Variants in CSMD1 observed in about 807,000 individuals in gnomAD.
The protein encoded by CSMD1 is CUB and sushi domain-containing protein 1.
Under a neutral mutation model 417.5 loss-of-function variants are expected in CSMD1, and 213 were observed. The ratio of observed to expected loss-of-function variants is 0.51; its 90% CI spans 0.46 to 0.57. The LOEUF is 0.57. Among genes scored for constraint, CSMD1 ranks in the 20% least tolerant of loss-of-function variants. CSMD1 has a pLI of 0.00. For missense variants in CSMD1, 6,923 were observed against 4,529.7 expected (o/e 1.53, Z -15.17); for synonymous variants, 2,862 against 1,736.8 (o/e 1.65, Z -16.11).
intron 3 of CSMD1, among the ~76,000 whole-genome samples, chr8:4,377,098 C>G (rs981741321): frequency 6.6e-6 from 1 of 152,182 alleles, no homozygotes; most frequent in Non-Finnish European, 1.5e-5. Context: ...ATTCCTCTTT[C>G]TTCTAAATTT....
chr8:3,906,203 G>C (rs1808098451), intron 5 of CSMD1, among the ~76,000 whole-genome samples: 1 of 151,962 alleles, frequency 6.6e-6, no homozygotes, highest in Non-Finnish European at 1.5e-5. Context: ...AATCACAAGT[G>C]CTTCATTATC....
chr8:4,857,550 A>T (rs1801877127), intron 1 of CSMD1, among the ~76,000 whole-genome samples: 1 of 152,240 alleles, frequency 6.6e-6, no homozygotes, highest in Non-Finnish European at 1.5e-5. Flanking sequence ...GAGAAGAATC[A>T]AATAGACGCA....
intron 3 of CSMD1, among the ~76,000 whole-genome samples, chr8:4,160,858 TAAG>T (rs1484695966): frequency 1.3e-5 from 2 of 152,226 alleles, no homozygotes; most frequent in Non-Finnish European, 2.9e-5. Flanking sequence ...AATATTTCCT[TAAG>T]GAGAAATTCT....
chr8:3,094,766 G>C (rs1235126806), intron 47 of CSMD1, among the ~76,000 whole-genome samples: 2 of 139,198 alleles, frequency 1.4e-5, no homozygotes, highest in African/African-American at 5.4e-5. Flanking sequence ...CATGTTTTTT[G>C]GTCCACCTAT....
At chr8:3,625,442 A>C (rs764807852) in intron 7 of CSMD1, among the ~76,000 whole-genome samples, 13 of 152,060 alleles carry the variant, frequency 8.5e-5, no homozygotes, top group Non-Finnish European at 1.5e-4. Context: ...TTCCTCTCCC[A>C]CTACATACCT....
chr8:4,132,620 G>A (rs1447624620), intron 3 of CSMD1, among the ~76,000 whole-genome samples: 2 of 152,180 alleles, frequency 1.3e-5, no homozygotes, highest in South Asian at 2.1e-4. Context: ...ACAGTGTTTG[G>A]CATTCATTCT....
At chr8:3,175,507 G>T (rs7839665) in intron 37 of CSMD1, among the ~76,000 whole-genome samples, 15,733 of 125,724 alleles carry the variant, frequency 0.13, 1,566 homozygotes, top group African/African-American at 0.27. Context: ...CTGCCTGCCT[G>T]CCTTTTTTCC....
At chr8:4,026,294 C>T (rs1275726555) in intron 4 of CSMD1, among the ~76,000 whole-genome samples, 1 of 152,032 alleles carries the variant, frequency 6.6e-6, no homozygotes, top group Non-Finnish European at 1.5e-5. Context: ...CATACTACAC[C>T]AGACACTGAG....
intron 5 of CSMD1, among the ~76,000 whole-genome samples, chr8:3,845,262 C>T (rs1488504892): frequency 6.6e-6 from 1 of 152,156 alleles, no homozygotes; most frequent in African/African-American, 2.4e-5. Flanking sequence ...GCTGATTTGT[C>T]CTTGTGCAAA....
At chr8:3,060,380 C>T (rs778877426) in intron 49 of CSMD1, among the ~76,000 whole-genome samples, 1 of 151,858 alleles carries the variant, frequency 6.6e-6, no homozygotes, top group Non-Finnish European at 1.5e-5. Context: ...TCCTGAACTC[C>T]TTGAACTCCT....
intron 3 of CSMD1, among the ~76,000 whole-genome samples, chr8:4,196,449 G>A (rs567042213): frequency 6.6e-6 from 1 of 152,128 alleles, no homozygotes; most frequent in South Asian, 2.1e-4. Flanking sequence ...AAGCCTCTTA[G>A]GGAAAATCTG....
chr8:2,955,498 T>C (rs1802933864), intron 64 of CSMD1, 91 bp downstream of exon 64: 4 of 1,251,144 alleles, frequency 3.2e-6, no homozygotes, highest in African/African-American at 3.0e-5. Context: ...CTCTTACTTA[T>C]GGGTCTCACA....
chr8:3,994,471 A>G (rs1226087979), intron 5 of CSMD1, among the ~76,000 whole-genome samples: 1 of 150,000 alleles, frequency 6.7e-6, no homozygotes, highest in Non-Finnish European at 1.5e-5. Flanking sequence ...AAAAAAGAAC[A>G]CTTGGCTAGT....
At chr8:4,878,216 G>A (rs1454554714) in intron 1 of CSMD1, among the ~76,000 whole-genome samples, 3 of 151,952 alleles carry the variant, frequency 2.0e-5, no homozygotes, top group Non-Finnish European at 1.5e-5. Context: ...AAAAGATAAG[G>A]TGAGAAAAGA....
chr8:4,303,282 T>G (rs1798076231), intron 3 of CSMD1, among the ~76,000 whole-genome samples: 1 of 152,080 alleles, frequency 6.6e-6, no homozygotes, highest in South Asian at 2.1e-4. Flanking sequence ...AAAACAAAAA[T>G]AATTATTTTT....
rs11352452 is a variant in CSMD1 at position 3,575,170 on chromosome 8, T to TAAA, written c.1223-107_1223-105dup. 1,467 of 806,866 alleles carry TAAA rather than the reference T, an allele frequency of 1.8e-3. 12 individuals carry two copies. Among genetic ancestry groups the TAAA allele is most frequent in the African/African-American group, 0.016 (877 of 53,496 alleles). 50.0% of individuals were successfully genotyped at this position (806,866 alleles called of 1,614,324 possible). ...CAAGTTAGCTATTATCTAATCACAG[T>TAAA]AAAAAAAAAAAAAAAAATGGTGCAT... On this transcript the variant is annotated intron_variant, in intron 9 of 69. Coordinates refer to ENST00000635120, the MANE Select transcript of CSMD1 (RefSeq NM_033225.6).
intron 3 of CSMD1, among the ~76,000 whole-genome samples, chr8:4,338,471 G>T (rs531772774): frequency 1.3e-5 from 2 of 152,086 alleles, no homozygotes; most frequent in African/African-American, 4.8e-5. Flanking sequence ...ACCTGGTTAG[G>T]TTCATGGCAA....
At chr8:3,728,649 G>T (rs1802635650) in intron 6 of CSMD1, among the ~76,000 whole-genome samples, 1 of 152,158 alleles carries the variant, frequency 6.6e-6, no homozygotes, top group African/African-American at 2.4e-5. Flanking sequence ...AGTCGTGTGG[G>T]GAGCACAGAT....
At chr8:4,285,383 A>T (rs547132522) in intron 3 of CSMD1, among the ~76,000 whole-genome samples, 21 of 152,202 alleles carry the variant, frequency 1.4e-4, no homozygotes, top group Non-Finnish European at 2.1e-4. Context: ...TCTAGAGGGA[A>T]ATGAATTTGT....
Sources: allele counts gnomAD v4.1 joint callset (sites outside exome capture counted in the v4.1 genomes callset), GRCh38; gene constraint gnomAD v4.1.1; transcripts MANE v1.5; gene names NCBI Gene and HGNC (gene_info 2026-07-23, HGNC 2026-07-21).